The following GRAMD1C variants were observed in gnomAD, a reference collection of about 807,000 sequenced individuals.
GRAMD1C encodes the protein GRAM domain containing 1C.
GRAMD1C carries 89 observed loss-of-function variants against 97.8 expected under a neutral mutation model. That is an observed-to-expected ratio of 0.91 (90% CI 0.77 to 1.09). The LOEUF is 1.09. Among genes scored for constraint, GRAMD1C ranks in the 50% least tolerant of loss-of-function variants. The pLI is 0.00. For missense variants in GRAMD1C, 740 were observed against 766.4 expected (o/e 0.97, Z 0.41); for synonymous variants, 256 against 267.0 (o/e 0.96, Z 0.40).
chr3:113,856,922 C>G (rs566774483), intron 2 of GRAMD1C, among the ~76,000 whole-genome samples: 1 of 151,838 alleles, frequency 6.6e-6, no homozygotes, highest in Admixed American at 6.6e-5. Flanking sequence ...TCACTGCAAC[C>G]TCCATCTCCT....
chr3:113,850,750 C>CG (rs1933860609), intron 2 of GRAMD1C: 10 of 1,352,516 alleles, frequency 7.4e-6, no homozygotes, highest in African/African-American at 4.3e-5. Context: ...CTGTAGGGTC[C>CG]GGGGCTGAGG....
intron 1 of GRAMD1C, among the ~76,000 whole-genome samples, chr3:113,841,839 A>G (rs896716370): frequency 6.6e-6 from 1 of 152,136 alleles, no homozygotes; most frequent in African/African-American, 2.4e-5. Context: ...CTAGGACTAC[A>G]TGTGTGTACC....
At position 113,945,760 on chromosome 3, in the gene GRAMD1C, A is replaced by T; in HGVS notation, c.*282A>T. 2.9e-6 allele frequency: 1 copy of T among 340,196 alleles called. No individual in the cohort carries two copies. The highest frequency in any genetic ancestry group is 5.4e-6 in the Non-Finnish European group (1 of 186,396). The allele number at this position is 340,196 out of a possible 1,614,324, so 21.1% of individuals were successfully genotyped here. On this transcript the variant is annotated 3_prime_UTR_variant, in exon 18 of 18. Transcript: ENST00000358160. ...TGAATTTCTCTGATACAAAAAGAAAATGACACACCCTGAATTGAGTGGTAT... is the reference window on the plus strand; with the variant it reads ...TGAATTTCTCTGATACAAAAAGAAATTGACACACCCTGAATTGAGTGGTAT...
chr3:113,930,664 ATAC>A, intron 10 of GRAMD1C, 47 bp from the exon 11 acceptor site: 1 of 945,004 alleles, frequency 1.1e-6, no homozygotes, highest in South Asian at 1.3e-5. Flanking sequence ...ATTTAATGTC[ATAC>A]TGTTTAAGTT....
chr3:113,944,989 G>T (rs1201197170), intron 17 of GRAMD1C, among the ~76,000 whole-genome samples: 1 of 152,232 alleles, frequency 6.6e-6, no homozygotes, highest in Admixed American at 6.5e-5. Flanking sequence ...TACATGAAGA[G>T]TGTGAATATG....
intron 10 of GRAMD1C, among the ~76,000 whole-genome samples, chr3:113,928,068 C>T (rs1937290945): frequency 6.6e-6 from 1 of 152,126 alleles, no homozygotes; most frequent in South Asian, 2.1e-4. Context: ...GTACAATCCT[C>T]CAGGGAGCTC....
At chr3:113,927,141 G>C (rs1937257005) in intron 10 of GRAMD1C, among the ~76,000 whole-genome samples, 1 of 151,888 alleles carries the variant, frequency 6.6e-6, no homozygotes, top group African/African-American at 2.4e-5. Flanking sequence ...TTATGTTTTG[G>C]GCTGTGATCT....
intron 6 of GRAMD1C, among the ~76,000 whole-genome samples, chr3:113,887,360 G>A (rs960729746): frequency 2.0e-5 from 3 of 151,368 alleles, no homozygotes; most frequent in Admixed American, 1.3e-4. Flanking sequence ...CCAAAGTGCC[G>A]GGATTACAGG....
At chr3:113,943,089 T>G (rs1937882482) in intron 17 of GRAMD1C, among the ~76,000 whole-genome samples, 1 of 152,208 alleles carries the variant, frequency 6.6e-6, no homozygotes, top group Non-Finnish European at 1.5e-5. Context: ...CAAAGTTGGA[T>G]GTGTGTATTT....
chr3:113,906,783 C>T (rs1936388403), intron 8 of GRAMD1C, among the ~76,000 whole-genome samples: 2 of 152,166 alleles, frequency 1.3e-5, no homozygotes, highest in South Asian at 4.1e-4. Context: ...CAACAGAACT[C>T]AGTCCTGTAA....
intron 10 of GRAMD1C, among the ~76,000 whole-genome samples, chr3:113,923,132 T>A (rs927294938): frequency 2.0e-5 from 3 of 152,164 alleles, no homozygotes; most frequent in Admixed American, 6.5e-5. Context: ...TTTTGTATCC[T>A]GAAATTTTGC....
chr3:113,844,419 T>C, intron 1 of GRAMD1C, 84 bp from the exon 2 acceptor site: 1 of 875,010 alleles, frequency 1.1e-6, no homozygotes, highest in East Asian at 2.5e-5. Flanking sequence ...AAAATTAATG[T>C]ATATGTTGTG....
chr3:113,870,334 C>A (rs763336694), intron 3 of GRAMD1C, among the ~76,000 whole-genome samples: 14 of 151,716 alleles, frequency 9.2e-5, no homozygotes, highest in Non-Finnish European at 1.3e-4. Context: ...TTCACTCTAC[C>A]CTGGGCAACA....
At chr3:113,858,673 C>T (rs546522645) in intron 2 of GRAMD1C, among the ~76,000 whole-genome samples, 17 of 152,110 alleles carry the variant, frequency 1.1e-4, no homozygotes, top group South Asian at 2.1e-4. Context: ...GGATTACAGG[C>T]GTGAGCCACT....
At chr3:113,893,977 TC>T (rs1234948656) in intron 6 of GRAMD1C, among the ~76,000 whole-genome samples, 3 of 152,178 alleles carry the variant, frequency 2.0e-5, no homozygotes, top group African/African-American at 7.2e-5. Flanking sequence ...CACCCTAAGT[TC>T]AATGTATATT....
At chr3:113,909,920 G>A (rs770438983) in intron 9 of GRAMD1C, among the ~76,000 whole-genome samples, 1 of 152,060 alleles carries the variant, frequency 6.6e-6, no homozygotes, top group Non-Finnish European at 1.5e-5. Context: ...TTTTTTGAAA[G>A]CAAGAGCATG....
At chr3:113,883,824 G>A (rs1935352378) in intron 6 of GRAMD1C, among the ~76,000 whole-genome samples, 1 of 152,040 alleles carries the variant, frequency 6.6e-6, no homozygotes, top group Non-Finnish European at 1.5e-5. Context: ...AAAGTTGGCA[G>A]AATTGAAGGG....
chr3:113,855,077 C>T (rs1345417971), intron 2 of GRAMD1C, among the ~76,000 whole-genome samples: 2 of 151,630 alleles, frequency 1.3e-5, no homozygotes, highest in African/African-American at 4.8e-5. Flanking sequence ...TTTGGGGGGC[C>T]GAGGTGGGCA....
chr3:113,868,390 A>G (rs922425659), intron 2 of GRAMD1C, among the ~76,000 whole-genome samples: 2 of 152,062 alleles, frequency 1.3e-5, no homozygotes, highest in African/African-American at 4.8e-5. Flanking sequence ...AATATTGACA[A>G]TTTAGATAAT....
Sources: gnomAD v4.1 joint callset for allele counts (sites outside exome capture counted in the v4.1 genomes callset) on GRCh38, gnomAD v4.1.1 for gene constraint, MANE v1.5 for transcripts, NCBI Gene and HGNC (gene_info 2026-07-23, HGNC 2026-07-21) for gene names.